Variants in AKAP19 observed in about 807,000 individuals in gnomAD.
AKAP19 encodes the protein A-kinase anchoring protein 19.
the AKAP19 span, among the ~76,000 whole-genome samples, chr2:190,178,582 C>A: frequency 6.6e-6 from 1 of 152,198 alleles, no homozygotes; most frequent in Non-Finnish European, 1.5e-5. This position sits in a 1 kb window ranked among gnomAD's most constrained non-coding sequence, Gnocchi z 6.3. Context: ...TGACCTGGGT[C>A]TCCCCCACCA....
At chr2:190,128,234 C>T in the AKAP19 span, among the ~76,000 whole-genome samples, 241 of 152,240 alleles carry the variant, frequency 1.6e-3, no homozygotes, top group Non-Finnish European at 2.4e-3. Context: ...TGGGTCCACA[C>T]GCCCTATCAA....
At chr2:190,014,361 G>T in the AKAP19 span, among the ~76,000 whole-genome samples, 1 of 152,140 alleles carries the variant, frequency 6.6e-6, no homozygotes, top group Admixed American at 6.5e-5. Context: ...GAGAGCAAGT[G>T]AGTGTGTGAA....
chr2:190,015,764 TA>T, the AKAP19 span, among the ~76,000 whole-genome samples: 1 of 152,310 alleles, frequency 6.6e-6, no homozygotes, highest in Non-Finnish European at 1.5e-5. Context: ...GCATAAGACT[TA>T]ACACTTTCAA....
chr2:190,162,643 T>A, the AKAP19 span, among the ~76,000 whole-genome samples: 1 of 152,200 alleles, frequency 6.6e-6, no homozygotes, highest in Non-Finnish European at 1.5e-5. Context: ...TTCCCATGTT[T>A]ACTTAATAAA....
the AKAP19 span, among the ~76,000 whole-genome samples, chr2:190,160,073 A>G: frequency 6.6e-6 from 1 of 152,208 alleles, no homozygotes; most frequent in Non-Finnish European, 1.5e-5. Flanking sequence ...ATAAGTTATG[A>G]GCATTTTAAG....
the AKAP19 span, among the ~76,000 whole-genome samples, chr2:190,107,134 A>G: frequency 6.6e-6 from 1 of 152,180 alleles, no homozygotes; most frequent in Admixed American, 6.5e-5. Context: ...TTAATATTAA[A>G]TGTTTATTAC....
chr2:190,139,910 T>A, the AKAP19 span, among the ~76,000 whole-genome samples: 1 of 152,148 alleles, frequency 6.6e-6, no homozygotes, highest in Non-Finnish European at 1.5e-5. Context: ...CAAAGTCTCA[T>A]CTGAGACAAG....
At chr2:189,981,815 G>T in the AKAP19 span, among the ~76,000 whole-genome samples, 2 of 152,128 alleles carry the variant, frequency 1.3e-5, no homozygotes, top group Non-Finnish European at 2.9e-5. Context: ...TCTTTAAGAA[G>T]GCTAAAGATA....
At chr2:190,004,403 A>G in the AKAP19 span, among the ~76,000 whole-genome samples, 4 of 152,166 alleles carry the variant, frequency 2.6e-5, no homozygotes, top group South Asian at 8.3e-4. Context: ...CTGATACACA[A>G]TATAAGTGAA....
the AKAP19 span, among the ~76,000 whole-genome samples, chr2:190,034,464 G>A: frequency 7.1e-6 from 1 of 141,506 alleles, no homozygotes; most frequent in Admixed American, 7.8e-5. Context: ...ATTTTATCCT[G>A]TGTTCCAGGG....
At chr2:190,167,232 G>C in the AKAP19 span, among the ~76,000 whole-genome samples, 1 of 152,148 alleles carries the variant, frequency 6.6e-6, no homozygotes, top group African/African-American at 2.4e-5. Context: ...AGAGAAAAGA[G>C]AGCTTGGGTA....
the AKAP19 span, among the ~76,000 whole-genome samples, chr2:190,112,693 C>G: frequency 8.7e-3 from 1,329 of 152,160 alleles, 14 homozygotes; most frequent in African/African-American, 0.023. Flanking sequence ...CTGATTTTAA[C>G]CATACTTGAT....
the AKAP19 span, among the ~76,000 whole-genome samples, chr2:189,904,546 A>G: frequency 9.9e-5 from 15 of 151,976 alleles, no homozygotes; most frequent in African/African-American, 2.2e-4. Context: ...TGCAAAAACA[A>G]TTTTCTAGGG....
chr2:189,989,908 A>T, the AKAP19 span, among the ~76,000 whole-genome samples: 1 of 152,164 alleles, frequency 6.6e-6, no homozygotes, highest in Non-Finnish European at 1.5e-5. Context: ...ATTGGAAGAC[A>T]AAATATTGTC....
At chr2:189,960,764 A>G in the AKAP19 span, among the ~76,000 whole-genome samples, 1 of 152,146 alleles carries the variant, frequency 6.6e-6, no homozygotes, top group Non-Finnish European at 1.5e-5. Flanking sequence ...ACCAGAGGAT[A>G]GTAAGGTCAG....
the AKAP19 span, among the ~76,000 whole-genome samples, chr2:190,000,114 A>G: frequency 6.6e-6 from 1 of 152,208 alleles, no homozygotes; most frequent in African/African-American, 2.4e-5. Context: ...TGATATCTCC[A>G]GGATATCAAT....
At chr2:190,145,303 C>T in the AKAP19 span, among the ~76,000 whole-genome samples, 1 of 152,106 alleles carries the variant, frequency 6.6e-6, no homozygotes, top group Admixed American at 6.5e-5. Context: ...TAGAACTCTT[C>T]CTTTTTCTTT....
chr2:189,900,911 A>T, the AKAP19 span, among the ~76,000 whole-genome samples: 1 of 152,168 alleles, frequency 6.6e-6, no homozygotes, highest in Non-Finnish European at 1.5e-5. Flanking sequence ...AAGGCTACGT[A>T]CGCTACTGAT....
chr2:190,202,186 T>C, the AKAP19 span: 3 of 167,146 alleles, frequency 1.8e-5, no homozygotes. Flanking sequence ...AGAAGTCTGA[T>C]TTCTGTTGCT....
Sources: allele counts gnomAD v4.1 joint callset (sites outside exome capture counted in the v4.1 genomes callset), GRCh38; gene constraint gnomAD v4.1.1; non-coding constraint Gnocchi (gnomAD v3.1); transcripts MANE v1.5; gene names NCBI Gene and HGNC (gene_info 2026-07-23, HGNC 2026-07-21).